The following SLIT1 variants were observed in gnomAD, a reference collection of about 807,000 sequenced individuals.
The protein encoded by SLIT1 is slit homolog 1 protein.
SLIT1 carries 66 observed loss-of-function variants against 186.1 expected under a neutral mutation model. The observed-to-expected ratio is 0.35, with a 90% CI of 0.29 to 0.44. SLIT1 has a LOEUF of 0.44. SLIT1 is among the 20% of genes least tolerant of loss of function. The probability of loss-of-function intolerance (pLI) is 1.00; values close to 1 mark genes in which losing one functional copy is unlikely to be tolerated. For synonymous variants in SLIT1, 761 were observed against 833.8 expected (o/e 0.91, Z 1.50); for missense variants, 1,638 against 2,037.4 (o/e 0.80, Z 3.77).
At chr10:97,119,941 A>ATATATATG (rs1179888328) in intron 4 of SLIT1, among the ~76,000 whole-genome samples, 7 of 137,246 alleles carry the variant, frequency 5.1e-5, no homozygotes, top group African/African-American at 7.8e-5. Flanking sequence ...ATATATATAT[A>ATATATATG]TATATGTATA....
chr10:97,133,838 A>G (rs1455232015), intron 4 of SLIT1, among the ~76,000 whole-genome samples: 1 of 152,132 alleles, frequency 6.6e-6, no homozygotes, highest in Non-Finnish European at 1.5e-5. Context: ...TAGGCCTGCT[A>G]AAAACTCACT....
intron 4 of SLIT1, among the ~76,000 whole-genome samples, chr10:97,118,728 A>G (rs1849531160): frequency 6.6e-6 from 1 of 152,220 alleles, no homozygotes; most frequent in South Asian, 2.1e-4. Flanking sequence ...CTAGCCACGT[A>G]ACCTTGGGCA....
rs145540421 is a variant in SLIT1 at position 97,001,118 on chromosome 10, G to A, written c.4599C>T (p.Cys1533=). Residue 1533 remains cysteine, a synonymous_variant, in exon 37 of 37, where the codon TGC becomes TGT. Coordinates refer to ENST00000266058, the MANE Select transcript of SLIT1 (RefSeq NM_003061.3). The stretch of plus-strand genomic sequence containing the variant: ...GGCCTGTCCACGCCCAGCGCTATGC[G>A]CAGAGGGCACAGCCACACTTGGTGG... ...EKPTKCGCAL[C]A 110 of 1,612,086 alleles carry A rather than the reference G, an allele frequency of 6.8e-5. No homozygotes were observed. The highest frequency in any genetic ancestry group is 5.7e-4 in the African/African-American group (43 of 74,940).
chr10:97,058,309 T>C (rs1350857808), intron 11 of SLIT1, among the ~76,000 whole-genome samples: 3 of 152,176 alleles, frequency 2.0e-5, no homozygotes, highest in Non-Finnish European at 1.5e-5. Flanking sequence ...TGTACTGGAA[T>C]CATCCACGTT....
intron 8 of SLIT1, among the ~76,000 whole-genome samples, chr10:97,062,501 G>A (rs1848902418): frequency 6.6e-6 from 1 of 152,244 alleles, no homozygotes; most frequent in South Asian, 2.1e-4. Context: ...GCCAAGCAAA[G>A]ACAAAGTGCT....
chr10:97,156,912 A>G (rs1849959018), intron 4 of SLIT1, among the ~76,000 whole-genome samples: 1 of 152,196 alleles, frequency 6.6e-6, no homozygotes, highest in South Asian at 2.1e-4. Flanking sequence ...GGTGGCTCTT[A>G]AGGTTATTAA....
intron 14 of SLIT1, among the ~76,000 whole-genome samples, chr10:97,048,510 C>A (rs910533229): frequency 1.3e-5 from 2 of 152,120 alleles, no homozygotes; most frequent in East Asian, 3.9e-4. Flanking sequence ...AGTGGAGGGA[C>A]CTGAGTCCTC....
rs547248157 is a variant in SLIT1, at chr10:97,030,007, G to A, written c.2582+750C>T. Among the ~76,000 whole-genome samples the A allele has an allele frequency of 9.8e-5, 15 of 152,288 alleles. No homozygotes were observed. In the South Asian group the frequency reaches 1.7e-3, roughly 17 times the overall value. On this transcript the variant is annotated intron_variant, in intron 25 of 36. Transcript: ENST00000266058. ...ATACCCCATTGTATGTATGTAGTACGTTTTGTTTATCATCTGTGGACATAG... is the reference window on the plus strand; with the variant it reads ...ATACCCCATTGTATGTATGTAGTACATTTTGTTTATCATCTGTGGACATAG...
chr10:97,040,240 G>A, intron 20 of SLIT1, 120 bp from the exon 21 acceptor site: 1 of 1,078,414 alleles, frequency 9.3e-7, no homozygotes, highest in Non-Finnish European at 1.3e-6. Context: ...CAGTACCTTG[G>A]CCATCAGTAA....
chr10:97,149,777 C>G (rs1406210926), intron 4 of SLIT1, among the ~76,000 whole-genome samples: 1 of 152,136 alleles, frequency 6.6e-6, no homozygotes, highest in Non-Finnish European at 1.5e-5. Flanking sequence ...TTCTTACTGT[C>G]TGAGACTTCC....
chr10:97,067,150 G>A (rs1026417303), intron 4 of SLIT1, among the ~76,000 whole-genome samples: 2 of 152,162 alleles, frequency 1.3e-5, no homozygotes, highest in Non-Finnish European at 2.9e-5. Flanking sequence ...TAGGCCACAG[G>A]GAGTCAGGAG....
intron 13 of SLIT1, 95 bp downstream of exon 13, chr10:97,056,226 G>T (rs778824506): frequency 1.4e-5 from 20 of 1,404,066 alleles, no homozygotes; most frequent in Non-Finnish European, 2.0e-5. Flanking sequence ...GAGCACAGCA[G>T]CCCAGAGCCG....
intron 4 of SLIT1, among the ~76,000 whole-genome samples, chr10:97,089,522 G>A (rs1381078209): frequency 6.6e-6 from 1 of 152,188 alleles, no homozygotes; most frequent in Non-Finnish European, 1.5e-5. Context: ...CTCTGAAGAT[G>A]AGTGTGAAGC....
chr10:97,066,321 C>T (rs557691018), intron 4 of SLIT1, among the ~76,000 whole-genome samples: 1 of 152,172 alleles, frequency 6.6e-6, no homozygotes, highest in Non-Finnish European at 1.5e-5. Flanking sequence ...GAGCTCAGTC[C>T]CCAGCCACCT....
At chr10:97,025,971 GTGAA>G (rs1489319391) in intron 25 of SLIT1, among the ~76,000 whole-genome samples, 1 of 152,170 alleles carries the variant, frequency 6.6e-6, no homozygotes, top group Non-Finnish European at 1.5e-5. Flanking sequence ...TCAATGTCTG[GTGAA>G]TGAATGAATG....
At chr10:97,057,677 A>G in intron 11 of SLIT1, 1 of 377,648 alleles carries the variant, frequency 2.6e-6, no homozygotes, top group African/African-American at 2.0e-5. Flanking sequence ...ACATATTTTC[A>G]GAGAGTTACA....
At chr10:97,095,303 G>A (rs1328799511) in intron 4 of SLIT1, among the ~76,000 whole-genome samples, 1 of 152,132 alleles carries the variant, frequency 6.6e-6, no homozygotes, top group East Asian at 1.9e-4. Context: ...AAAAGAGAGA[G>A]AAAGAAACCC....
chr10:97,040,191 C>A (rs1305695494), intron 20 of SLIT1, 71 bp from the exon 21 acceptor site: 38 of 1,434,930 alleles, frequency 2.6e-5, no homozygotes, highest in Non-Finnish European at 3.4e-5. Flanking sequence ...ACAGTCAGGG[C>A]CATGCTCTGG....
intron 25 of SLIT1, among the ~76,000 whole-genome samples, chr10:97,026,784 G>T (rs1023244320): frequency 2.0e-5 from 3 of 152,212 alleles, no homozygotes; most frequent in Non-Finnish European, 2.9e-5. Context: ...AGCAGCAGAG[G>T]ATTGTGCAGG....
Sources: allele counts gnomAD v4.1 joint callset (sites outside exome capture counted in the v4.1 genomes callset), GRCh38; gene constraint gnomAD v4.1.1; transcripts MANE v1.5; gene names NCBI Gene and HGNC (gene_info 2026-07-23, HGNC 2026-07-21).